MKRN1: variants seen among roughly 807,000 people sequenced by gnomAD.
The protein encoded by MKRN1 is E3 ubiquitin-protein ligase makorin-1.
Under a neutral mutation model 55.5 loss-of-function variants are expected in MKRN1, and 9 were observed. The ratio of observed to expected loss-of-function variants is 0.16; its 90% CI spans 0.10 to 0.28. The LOEUF (loss-of-function observed/expected upper bound fraction) is 0.28, where lower values mean the gene tolerates loss of function less well. Among genes scored for constraint, MKRN1 ranks in the 10% least tolerant of loss-of-function variants. MKRN1 has a pLI of 1.00. For synonymous variants in MKRN1, 253 were observed against 235.9 expected (o/e 1.07, Z -0.66); for missense variants, 488 against 626.7 (o/e 0.78, Z 2.36).
Position 140,454,513 on chromosome 7 carries a change from G to T in MKRN1, c.*4C>A, listed in dbSNP as rs776734885. On this transcript the variant is annotated 3_prime_UTR_variant, in exon 8 of 8. Coordinates refer to ENST00000255977, the MANE Select transcript of MKRN1 (RefSeq NM_013446.4). ...CAGACCAGTTCACACGCCACGCAAG[G>T]TTGCTATAGATCCAAGTCATAAAAA... The T allele has an allele frequency of 1.2e-6, 2 of 1,610,750 alleles. No individual in the cohort carries two copies. Among genetic ancestry groups the T allele is most frequent in the South Asian group, 1.1e-5 (1 of 90,718 alleles).
chr7:140,470,059 A>AT (rs1563094415), intron 2 of MKRN1, among the ~76,000 whole-genome samples: 1 of 91,692 alleles, frequency 1.1e-5, no homozygotes. Context: ...AAAAAAAAAA[A>AT]AAAAAAAAAA....
At chr7:140,462,295 A>G (rs1794643813) in intron 2 of MKRN1, among the ~76,000 whole-genome samples, 1 of 152,114 alleles carries the variant, frequency 6.6e-6, no homozygotes, top group Non-Finnish European at 1.5e-5. Flanking sequence ...TCCCAAAGTG[A>G]TAGGCATGAG....
intron 4 of MKRN1, 64 bp downstream of exon 4, chr7:140,458,943 T>C: frequency 1.3e-6 from 2 of 1,525,006 alleles, no homozygotes; most frequent in African/African-American, 1.4e-5. Flanking sequence ...AAACCCACAA[T>C]GCTGTGAAAG....
intron 2 of MKRN1, among the ~76,000 whole-genome samples, chr7:140,468,305 C>G (rs538308304): frequency 3.4e-4 from 52 of 152,226 alleles, no homozygotes; most frequent in African/African-American, 1.2e-3. Flanking sequence ...CAATTAGCCT[C>G]AATACCTGCA....
In MKRN1 at chr7:140,466,810, C is replaced by CAAA. The variant is rs563645827; in HGVS notation, c.314+5070_314+5072dup. 9.7e-3 allele frequency among the ~76,000 whole-genome samples: 840 copies of CAAA among 86,970 alleles called. 37 individuals are homozygous for CAAA. Among genetic ancestry groups the CAAA allele is most frequent in the African/African-American group, 0.038 (731 of 19,476 alleles). 57.1% of individuals were successfully genotyped at this position (86,970 alleles called of 152,430 possible). A position where few individuals can be genotyped will look rare whatever the true frequency, so the allele number is the denominator to read the frequency against. ...TGGGCGACAGAGCGAGACTCCGTCT[C>CAAA]AAAAAAAAAAAAAAAAAAAAAAAGA... On this transcript the variant is annotated intron_variant, in intron 2 of 7. Coordinates refer to ENST00000255977, the MANE Select transcript of MKRN1 (RefSeq NM_013446.4).
At chr7:140,466,102 G>A (rs1016349855) in intron 2 of MKRN1, among the ~76,000 whole-genome samples, 2 of 151,944 alleles carry the variant, frequency 1.3e-5, no homozygotes, top group Non-Finnish European at 2.9e-5. Flanking sequence ...AAAAGATAAG[G>A]TTGAAGTTCC....
At position 140,453,426 on chromosome 7, in the gene MKRN1, G is replaced by C. The variant is rs1261139393; in HGVS notation, c.*1091C>G. On this transcript the variant is annotated 3_prime_UTR_variant, in exon 8 of 8. Coordinates refer to ENST00000255977, the MANE Select transcript of MKRN1 (RefSeq NM_013446.4). ...TCTGTCTACCTGAAAGCTCAGGGGT[G>C]GAATGAGGCAAATACCCACAAAAAC... The C allele has an allele frequency of 6.6e-6, 1 of 152,566 alleles. No individual in the cohort carries two copies. Among genetic ancestry groups the C allele is most frequent in the African/African-American group, 2.4e-5 (1 of 41,430 alleles). 9.5% of individuals were successfully genotyped at this position (152,566 alleles called of 1,614,324 possible).
intron 2 of MKRN1, among the ~76,000 whole-genome samples, chr7:140,463,849 A>T (rs1794694888): frequency 6.6e-6 from 1 of 152,018 alleles, no homozygotes; most frequent in Non-Finnish European, 1.5e-5. Flanking sequence ...AGATCGCGCC[A>T]CTGCACTCCA....
intron 2 of MKRN1, among the ~76,000 whole-genome samples, chr7:140,470,177 T>TGC: frequency 6.8e-6 from 1 of 148,054 alleles, no homozygotes; most frequent in African/African-American, 2.5e-5. Flanking sequence ...GCTGAGATCA[T>TGC]GCCATTGCAC....
At chr7:140,478,725 G>A (rs1048030201) in intron 1 of MKRN1, 2 of 153,728 alleles carry the variant, frequency 1.3e-5, no homozygotes, top group African/African-American at 2.4e-5. Context: ...GGGGTGTCTA[G>A]GCCCGGAGAG....
chr7:140,456,723 G>A lies in MKRN1; in HGVS notation c.915C>T (p.Cys305=), dbSNP rs554245561. The A allele has an allele frequency of 6.2e-7, 1 of 1,614,122 alleles. No individual in the cohort carries two copies. Among genetic ancestry groups the A allele is most frequent in the East Asian group, 2.2e-5 (1 of 44,896 alleles). Residue 305 remains cysteine, a synonymous_variant, in exon 5 of 8, where the codon TGC becomes TGT. Coordinates refer to ENST00000255977, the MANE Select transcript of MKRN1 (RefSeq NM_013446.4). ...SERRFGILSN[C]NHTYCLKCIR... ...TGCACTTGAGACAGTAGGTGTGGTT[G>A]CAGTTGGAGAGGATCCCGAAGCGGC...
intron 1 of MKRN1, chr7:140,478,248 TA>T (rs573514808): frequency 6.6e-6 from 1 of 152,080 alleles, no homozygotes; most frequent in African/African-American, 2.4e-5. Context: ...AACCGGAAAA[TA>T]AAAAACGTAC....
At chr7:140,459,598 T>G in intron 3 of MKRN1, 109 bp downstream of exon 3, 1 of 1,109,480 alleles carries the variant, frequency 9.0e-7, no homozygotes, top group Non-Finnish European at 1.3e-6. Flanking sequence ...GTACTAAGAT[T>G]AAACTAAAAA....
At chr7:140,465,427 T>C (rs1373443154) in intron 2 of MKRN1, among the ~76,000 whole-genome samples, 1 of 151,678 alleles carries the variant, frequency 6.6e-6, no homozygotes, top group Non-Finnish European at 1.5e-5. Context: ...GTTGTGACAT[T>C]GCACCACTGC....
At chr7:140,476,266 T>C (rs928968188) in intron 1 of MKRN1, among the ~76,000 whole-genome samples, 1 of 152,122 alleles carries the variant, frequency 6.6e-6, no homozygotes, top group Non-Finnish European at 1.5e-5. Flanking sequence ...CCTAATATTG[T>C]GTCTCCCATT....
At chr7:140,466,163 T>C (rs1267760127) in intron 2 of MKRN1, among the ~76,000 whole-genome samples, 1 of 152,196 alleles carries the variant, frequency 6.6e-6, no homozygotes. Flanking sequence ...AGCCTCTCTT[T>C]AAGATTCTTT....
At chr7:140,456,593 A>C in intron 5 of MKRN1, 59 bp downstream of exon 5, 1 of 1,589,550 alleles carries the variant, frequency 6.3e-7, no homozygotes, top group Non-Finnish European at 8.6e-7. Flanking sequence ...AGTTGGCACA[A>C]GTTACTAAAT....
At chr7:140,478,932 G>A (rs1795205379) in intron 1 of MKRN1, 1 of 407,132 alleles carries the variant, frequency 2.5e-6, no homozygotes, top group Non-Finnish European at 4.0e-6. Flanking sequence ...CGCACCGCCA[G>A]GCCTCCGCGG....
At position 140,454,302 on chromosome 7, in the gene MKRN1, T is replaced by TA. The variant is rs777609153; in HGVS notation, c.*214dup. 129 of 583,620 alleles carry TA rather than the reference T, an allele frequency of 2.2e-4. 1 individual carries two copies. Among genetic ancestry groups the TA allele is most frequent in the South Asian group, 1.1e-3 (51 of 48,172 alleles). 36.2% of individuals were successfully genotyped at this position (583,620 alleles called of 1,614,324 possible). A position where few individuals can be genotyped will look rare whatever the true frequency, so the allele number is the denominator to read the frequency against. On this transcript the variant is annotated 3_prime_UTR_variant, in exon 8 of 8. Transcript: ENST00000255977. The stretch of plus-strand genomic sequence containing the variant: ...AATTCGTGTTACAAAAAACTAACTT[T>TA]AAGATTTATTTTTGTAACTTTTTTC...
Sources: gnomAD v4.1 joint callset for allele counts (sites outside exome capture counted in the v4.1 genomes callset) on GRCh38, gnomAD v4.1.1 for gene constraint, MANE v1.5 for transcripts, NCBI Gene and HGNC (gene_info 2026-07-23, HGNC 2026-07-21) for gene names.